VPS13D: variants seen among roughly 807,000 people sequenced by gnomAD.
The protein encoded by VPS13D is vacuolar protein sorting 13 homolog D.
Under a neutral mutation model 461.9 loss-of-function variants are expected in VPS13D, and 187 were observed. That is an observed-to-expected ratio of 0.40 (90% confidence interval 0.36 to 0.46). The LOEUF (loss-of-function observed/expected upper bound fraction) is 0.46, where lower values mean the gene tolerates loss of function less well. Among genes scored for constraint, VPS13D ranks in the 20% least tolerant of loss-of-function variants. The pLI, the probability that VPS13D is intolerant of heterozygous loss-of-function variation, is 0.60. For missense variants in VPS13D, 4,711 were observed against 5,364.9 expected (o/e 0.88, Z 3.81); for synonymous variants, 1,951 against 1,986.3 (o/e 0.98, Z 0.47).
At chr1:12,329,245 T>A (rs1339792303) in intron 36 of VPS13D, among the ~76,000 whole-genome samples, 1 of 152,136 alleles carries the variant, frequency 6.6e-6, no homozygotes, top group Non-Finnish European at 1.5e-5. Context: ...ACAAGAGTCT[T>A]GCTTTGTTGC....
chr1:12,323,094 G>C (rs1029228588), intron 34 of VPS13D, among the ~76,000 whole-genome samples: 6 of 152,068 alleles, frequency 3.9e-5, no homozygotes, highest in Admixed American at 3.3e-4. Context: ...TTTTTAGACA[G>C]GGTCTTGCTC....
intron 5 of VPS13D, among the ~76,000 whole-genome samples, chr1:12,244,875 C>G (rs1247655953): frequency 6.6e-6 from 1 of 152,200 alleles, no homozygotes; most frequent in Non-Finnish European, 1.5e-5. Flanking sequence ...TTCCATTTCA[C>G]TTCCCGCACT....
chr1:12,397,213 C>A (rs1570091016), intron 60 of VPS13D, among the ~76,000 whole-genome samples: 1 of 152,104 alleles, frequency 6.6e-6, no homozygotes, highest in African/African-American at 2.4e-5. Context: ...GGATTACAGG[C>A]GTGAGCCACC....
chr1:12,310,671 G>A (rs1050173379), intron 27 of VPS13D, among the ~76,000 whole-genome samples: 2 of 152,110 alleles, frequency 1.3e-5, no homozygotes, highest in Non-Finnish European at 2.9e-5. Context: ...TTTCCCAAGT[G>A]TAATATTTAA....
intron 67 of VPS13D, chr1:12,497,221 G>T: frequency 4.3e-6 from 1 of 233,622 alleles, no homozygotes; most frequent in Non-Finnish European, 8.5e-6. Flanking sequence ...AGGTGTCATC[G>T]TCCTGTTTCA....
intron 23 of VPS13D, among the ~76,000 whole-genome samples, chr1:12,292,053 G>A (rs1164162136): frequency 6.6e-6 from 1 of 152,140 alleles, no homozygotes; most frequent in African/African-American, 2.4e-5. Flanking sequence ...GAGGTCAGGA[G>A]TTTGAGACCA....
chr1:12,369,526 G>A lies in VPS13D; in HGVS notation c.10632G>A (p.Lys3544=). ...AACCCAGGCTCCGGACTGAAGTGAA[G>A]CCCATGACTTCATTGGATTATGCCT... ...VAEPRLRTEV[K]PMTSLDYAWD... is the part of the protein sequence containing the mutation. Residue 3544 remains lysine (K), a synonymous_variant, in exon 54 of 70, where the codon AAG becomes AAA. Coordinates refer to ENST00000620676, the MANE Select transcript of VPS13D (RefSeq NM_015378.4). The A allele has an allele frequency of 7.4e-6, 12 of 1,614,138 alleles. No homozygotes were observed. Among genetic ancestry groups the A allele is most frequent in the Non-Finnish European group, 7.6e-6 (9 of 1,180,022 alleles).
chr1:12,385,447 CCTT>C, intron 59 of VPS13D, 74 bp downstream of exon 59: 1 of 1,252,956 alleles, frequency 8.0e-7, no homozygotes. Flanking sequence ...GTATTTTAGA[CCTT>C]CTGTTTTCTT....
At chr1:12,316,821 C>T (rs1185621371) in intron 30 of VPS13D, among the ~76,000 whole-genome samples, 2 of 152,108 alleles carry the variant, frequency 1.3e-5, no homozygotes, top group Admixed American at 6.6e-5. Context: ...AGTGCTCCAG[C>T]CCCTGTTTCT....
intron 67 of VPS13D, among the ~76,000 whole-genome samples, chr1:12,481,616 T>G (rs1248703822): frequency 2.0e-5 from 3 of 152,168 alleles, no homozygotes; most frequent in Non-Finnish European, 4.4e-5. Flanking sequence ...CTCTTTTATT[T>G]TTTGATTTCC....
At chr1:12,366,434 T>G (rs1644035828) in intron 52 of VPS13D, among the ~76,000 whole-genome samples, 1 of 152,172 alleles carries the variant, frequency 6.6e-6, no homozygotes, top group Admixed American at 6.5e-5. Flanking sequence ...CAACCAGCAC[T>G]TTTGTCTGTT....
intron 65 of VPS13D, among the ~76,000 whole-genome samples, chr1:12,423,575 G>C (rs1233301258): frequency 2.0e-5 from 3 of 152,166 alleles, no homozygotes. Flanking sequence ...ATACCATTTT[G>C]TTCCATTTCT....
intron 67 of VPS13D, among the ~76,000 whole-genome samples, chr1:12,480,305 T>C (rs1645697443): frequency 6.6e-6 from 1 of 152,198 alleles, no homozygotes; most frequent in Non-Finnish European, 1.5e-5. Context: ...GCCTCCGCAG[T>C]AGACTGTCCC....
Position 12,277,112 on chromosome 1 carries a change from T to C in VPS13D, c.3524T>C (p.Leu1175Ser). 1.2e-6 allele frequency: 2 copies of C among 1,614,196 alleles called. No homozygotes were observed. The highest frequency in any genetic ancestry group is 1.7e-6 in the Non-Finnish European group (2 of 1,180,030). The change falls in exon 19 of 70, where the codon TTA becomes TCA. Residue 1175 changes from leucine (L) to serine (S), a missense_variant. Leu to Ser is a moderately radical substitution (Grantham distance 145). Coordinates refer to ENST00000620676, the MANE Select transcript of VPS13D (RefSeq NM_015378.4). ...EVAVEIHRLN[L>S]LLLRTVGMAN... ...GCAGTGGAAATCCATAGGCTGAACT[T>C]ACTGCTTCTTCGGACAGTGGGCATG...
intron 65 of VPS13D, among the ~76,000 whole-genome samples, chr1:12,447,313 G>C (rs1049771753): frequency 3.9e-5 from 6 of 152,168 alleles, no homozygotes; most frequent in South Asian, 2.1e-4. Context: ...ATACTTAGCA[G>C]ACTTTTGCTG....
In VPS13D at chr1:12,505,331, A is replaced by G. The variant is rs924431748; in HGVS notation, c.12795-1522A>G. On this transcript the variant is annotated intron_variant, in intron 68 of 69. Transcript: ENST00000620676. The surrounding 1 kb of genome is among the most constrained non-coding windows in gnomAD (Gnocchi z 4.2). ...CTGTTCAGTGATGCTGCCGCTCTCA[A>G]TGCGGTTAGAGCGCAAGATGTGAGA... Among the ~76,000 whole-genome samples, 26 of 152,184 alleles carry G rather than the reference A, an allele frequency of 1.7e-4. No individual in the cohort carries two copies. The highest frequency in any genetic ancestry group is 2.8e-4 in the Non-Finnish European group (19 of 68,042).
rs77560630 is a variant in VPS13D at position 12,473,986 on chromosome 1, G to C, written c.12662+13590G>C. ...CTGAACCCACTTGTGAAGAGCAGGT[G>C]ACCCCAAACTATTGTTAGTGTCTGC... On this transcript the variant is annotated intron_variant, in intron 67 of 69. Coordinates refer to ENST00000620676, the MANE Select transcript of VPS13D (RefSeq NM_015378.4). This position sits in a 1 kb window ranked among gnomAD's most constrained non-coding sequence, Gnocchi z 4.2. Among the ~76,000 whole-genome samples the C allele has an allele frequency of 2.2e-3, 333 of 152,288 alleles. 2 individuals are homozygous for C. Among genetic ancestry groups the C allele is most frequent in the African/African-American group, 7.8e-3 (322 of 41,542 alleles).
chr1:12,294,657 C>T (rs994715561), intron 24 of VPS13D, among the ~76,000 whole-genome samples: 2 of 151,866 alleles, frequency 1.3e-5, no homozygotes, highest in African/African-American at 2.4e-5. Flanking sequence ...TACTAAAATA[C>T]AAAAATTAGC....
intron 39 of VPS13D, 29 bp from the exon 40 acceptor site, chr1:12,338,202 C>CCT: frequency 6.3e-7 from 1 of 1,578,774 alleles, no homozygotes. Flanking sequence ...TTATTCTTAG[C>CCT]CTCTAACTTT....
Sources: allele counts gnomAD v4.1 joint callset (sites outside exome capture counted in the v4.1 genomes callset), GRCh38; gene constraint gnomAD v4.1.1; non-coding constraint Gnocchi (gnomAD v3.1); transcripts MANE v1.5; gene names NCBI Gene and HGNC (gene_info 2026-07-23, HGNC 2026-07-21).